The following GUK1 variants were observed in gnomAD, a reference collection of about 807,000 sequenced individuals.
The protein encoded by GUK1 is guanylate kinase 1.
A neutral mutation model predicts 25.2 loss-of-function variants in GUK1; 18 were observed. That is an observed-to-expected ratio of 0.71 (90% CI 0.49 to 1.06). The LOEUF (loss-of-function observed/expected upper bound fraction) is 1.06, where lower values mean the gene tolerates loss of function less well. Ranked by LOEUF, GUK1 falls within the 50% of genes least tolerant of loss-of-function variation. The pLI, the probability that GUK1 is intolerant of heterozygous loss-of-function variation, is 0.00. For missense variants in GUK1, 261 were observed against 276.7 expected, an observed-to-expected ratio of 0.94 and a Z score of 0.40; for synonymous variants, 105 against 117.6, an observed-to-expected ratio of 0.89 and a Z score of 0.69.
intron 2 of GUK1, among the ~76,000 whole-genome samples, chr1:228,142,664 A>T (rs1035364200): frequency 6.7e-6 from 1 of 149,688 alleles, no homozygotes; most frequent in African/African-American, 2.5e-5. Flanking sequence ...GTGAAGAGAC[A>T]CACCTGCCAC....
chr1:228,144,478 T>G (rs1375530923), intron 2 of GUK1: 1 of 152,382 alleles, frequency 6.6e-6, no homozygotes, highest in Non-Finnish European at 1.5e-5. Flanking sequence ...TGGCCCTGTG[T>G]GTGCAGCTCA....
chr1:228,148,346 C>G, intron 7 of GUK1, 25 bp from the exon 7 acceptor site: 1 of 1,530,716 alleles, frequency 6.5e-7, no homozygotes, highest in Non-Finnish European at 9.0e-7. Flanking sequence ...GCTCACTGTG[C>G]CCTGACCCCA....
chr1:228,142,924 A>C (rs1427243014), intron 2 of GUK1, among the ~76,000 whole-genome samples: 1 of 151,794 alleles, frequency 6.6e-6, no homozygotes, highest in Non-Finnish European at 1.5e-5. Flanking sequence ...TTGATGTGCC[A>C]CGTGTGCCTT....
At chr1:228,146,967 C>T in intron 5 of GUK1, 29 bp downstream of exon 4, 1 of 1,457,722 alleles carries the variant, frequency 6.9e-7, no homozygotes, top group South Asian at 1.1e-5. Flanking sequence ...TGGGTGGGCT[C>T]CCAGGGTTGC....
At chr1:228,148,205 AG>A (rs2034504658) in intron 7 of GUK1, 165 bp from the exon 7 acceptor site, 1 of 698,184 alleles carries the variant, frequency 1.4e-6, no homozygotes. Flanking sequence ...ACTGAGGCCC[AG>A]GGGGCGGCCC....
At chr1:228,148,115 C>T in intron 7 of GUK1, 1 of 605,978 alleles carries the variant, frequency 1.7e-6, no homozygotes, top group South Asian at 1.9e-5. Flanking sequence ...ATAGTGTAGC[C>T]CCTAACCAGA....
rs1254277739 is a variant in GUK1, at chr1:228,148,813, G to A, written c.*116G>A. On this transcript the variant is annotated 3_prime_UTR_variant, in exon 9 of 9. Coordinates refer to ENST00000312726, the MANE Select transcript of GUK1 (RefSeq NM_000858.7). ...GTGCCCTTGGCCAGCATGTGGAGTG[G>A]AGGAGATGCTGCCCCTGTGGTTGGA... is the stretch of plus-strand genomic sequence containing the variant. The A allele has an allele frequency of 6.3e-7, 1 of 1,577,982 alleles. No homozygotes were observed. The highest frequency in any genetic ancestry group is 8.6e-7 in the Non-Finnish European group (1 of 1,162,226).
chr1:228,145,816 CT>C, intron 3 of GUK1, 192 bp downstream of exon 2: 1 of 733,264 alleles, frequency 1.4e-6, no homozygotes, highest in East Asian at 2.7e-5. Flanking sequence ...CTGTGTCTCC[CT>C]TCCCTGGGTC....
intron 1 of GUK1, 81 bp downstream of exon 1, chr1:228,140,444 C>A: frequency 2.0e-6 from 2 of 991,570 alleles, no homozygotes; most frequent in Non-Finnish European, 1.4e-6. Flanking sequence ...GCCCAGTCCA[C>A]GCCGCCTCCG....
At chr1:228,145,890 C>G (rs967428548) in intron 3 of GUK1, 136 bp from the exon 3 acceptor site, 3 of 764,930 alleles carry the variant, frequency 3.9e-6, no homozygotes, top group Non-Finnish European at 6.9e-6. Context: ...CTTGTAGGCT[C>G]CTGCGCCTTC....
intron 3 of GUK1, 79 bp downstream of exon 2, chr1:228,145,703 G>T (rs979586005): frequency 3.9e-6 from 6 of 1,521,114 alleles, no homozygotes; most frequent in South Asian, 1.2e-5. Context: ...CAGGCCAGGA[G>T]CCCAAACCCA....
intron 1 of GUK1, 78 bp downstream of exon 1, chr1:228,140,441 C>A (rs2033978791): frequency 9.8e-7 from 1 of 1,016,086 alleles, no homozygotes; most frequent in African/African-American, 1.7e-5. Flanking sequence ...GTCGCCCAGT[C>A]CACGCCGCCT....
Position 228,148,701 on chromosome 1 carries a change from T to C in GUK1, c.*4T>C, listed in dbSNP as rs774592739. 3 of 1,605,148 alleles carry C rather than the reference T, an allele frequency of 1.9e-6. No individual in the cohort carries two copies. The highest frequency in any genetic ancestry group is 2.7e-5 in the African/African-American group (2 of 74,896). On this transcript the variant is annotated 3_prime_UTR_variant, in exon 9 of 9. Coordinates refer to ENST00000312726, the MANE Select transcript of GUK1 (RefSeq NM_000858.7). ...AGCTCAAAGGACCGGCGCCTGAGGCTTGCTGTCTGTTCTCGGCACCCCGGG... is the reference window on the plus strand; with the variant it reads ...AGCTCAAAGGACCGGCGCCTGAGGCCTGCTGTCTGTTCTCGGCACCCCGGG...
chr1:228,147,776 G>C (rs2034469502), intron 7 of GUK1, 77 bp downstream of exon 6: 11 of 1,305,110 alleles, frequency 8.4e-6, no homozygotes, highest in Non-Finnish European at 1.1e-5. Context: ...CAGGGACCCT[G>C]TGGGTCCCCA....
intron 5 of GUK1, 130 bp downstream of exon 4, chr1:228,147,068 C>T (rs1333995019): frequency 4.2e-6 from 3 of 716,722 alleles, no homozygotes; most frequent in Non-Finnish European, 7.5e-6. Context: ...GGTTGTGGCC[C>T]AGGGCCAGGC....
chr1:228,141,569 C>G (rs2034053783), intron 2 of GUK1: 1 of 913,154 alleles, frequency 1.1e-6, no homozygotes, highest in Non-Finnish European at 1.4e-6. Context: ...AAGGTCAAGC[C>G]CTCTGTTAGC....
chr1:228,146,158 C>T, intron 4 of GUK1, 91 bp downstream of exon 3: 2 of 825,960 alleles, frequency 2.4e-6, no homozygotes, highest in Non-Finnish European at 4.1e-6. Flanking sequence ...TGCCCGTCTC[C>T]TGCCCCCATC....
chr1:228,141,897 G>C (rs544678713), intron 2 of GUK1: 2 of 659,912 alleles, frequency 3.0e-6, no homozygotes, highest in East Asian at 1.3e-4. Context: ...CTGTGGGTTG[G>C]TGAGAGTGGA....
intron 2 of GUK1, chr1:228,144,889 T>C (rs1245633131): frequency 5.9e-6 from 1 of 168,648 alleles, no homozygotes; most frequent in Non-Finnish European, 1.2e-5. Context: ...CCCTCTGGCA[T>C]TACCAGCATC....
Sources: gnomAD v4.1 joint callset for allele counts (sites outside exome capture counted in the v4.1 genomes callset) on GRCh38, gnomAD v4.1.1 for gene constraint, MANE v1.5 for transcripts, NCBI Gene and HGNC (gene_info 2026-07-23, HGNC 2026-07-21) for gene names.